Variants in PRKG2 observed in about 807,000 individuals in gnomAD.
PRKG2 encodes the protein protein kinase cGMP-dependent 2, also known as cGMP-dependent protein kinase 2.
PRKG2 carries 33 observed loss-of-function variants against 97.2 expected under a neutral mutation model. That is an observed-to-expected ratio of 0.34 (90% CI 0.26 to 0.45). The LOEUF is 0.45. Ranked by LOEUF, PRKG2 falls within the 20% of genes least tolerant of loss-of-function variation. PRKG2 has a pLI of 1.00. For synonymous variants in PRKG2, 330 were observed against 321.8 expected (o/e 1.03, Z -0.27); for missense variants, 638 against 900.0 (o/e 0.71, Z 3.73).
chr4:81,127,988 A>G (rs1227458937), intron 14 of PRKG2, among the ~76,000 whole-genome samples: 2 of 152,140 alleles, frequency 1.3e-5, no homozygotes, highest in African/African-American at 4.8e-5. Flanking sequence ...AGCTGTTATT[A>G]TTTTGAGATA....
chr4:81,190,559 A>G (rs1490086827), intron 2 of PRKG2, among the ~76,000 whole-genome samples: 1 of 152,192 alleles, frequency 6.6e-6, no homozygotes, highest in African/African-American at 2.4e-5. Flanking sequence ...ACCAAAAGCA[A>G]TGGTAACAAA....
rs147037183 is a variant in PRKG2, at chr4:81,204,770, G to A, written c.278C>T (p.Pro93Leu). 341 of 1,614,156 alleles carry A rather than the reference G, an allele frequency of 2.1e-4. No homozygotes were observed. The African/African-American group carries it at 3.0e-3, about 14-fold the overall frequency. ...QDVVHMQGGSPLQASPDKVPL... is the reference protein window; with the variant it reads ...QDVVHMQGGSLLQASPDKVPL... Reference sequence around the variant, plus strand: ...CACTTTATCTGGAGAGGCCTGAAGCGGGCTTCCTCCCTGCATATGCACCAC... The same window carrying A: ...CACTTTATCTGGAGAGGCCTGAAGCAGGCTTCCTCCCTGCATATGCACCAC... The change falls in exon 2 of 19, where the codon CCG (proline) becomes CTG (leucine). Residue 93 changes from proline to leucine, a missense_variant. By Grantham distance (98) the Pro-to-Leu change is moderately conservative. This residue lies in a region of PRKG2 where 332 missense variants were observed against 421.7 expected (regional missense o/e 0.79). Coordinates refer to ENST00000264399, the MANE Select transcript of PRKG2 (RefSeq NM_006259.3).
At chr4:81,161,628 G>T (rs1749597537) in intron 6 of PRKG2, among the ~76,000 whole-genome samples, 1 of 152,112 alleles carries the variant, frequency 6.6e-6, no homozygotes, top group South Asian at 2.1e-4. Context: ...CTTACTGACT[G>T]ACAGTGGGAA....
At chr4:81,104,264 G>A in intron 17 of PRKG2, 106 bp downstream of exon 17, 1 of 649,100 alleles carries the variant, frequency 1.5e-6, no homozygotes, top group Non-Finnish European at 2.4e-6. Context: ...AGAAAAATTT[G>A]AAAGTCTGGA....
At chr4:81,112,369 T>A (rs980710819) in intron 14 of PRKG2, among the ~76,000 whole-genome samples, 1 of 152,212 alleles carries the variant, frequency 6.6e-6, no homozygotes, top group Non-Finnish European at 1.5e-5. Context: ...TAGCTAATTT[T>A]ATAAAGACTG....
intron 9 of PRKG2, among the ~76,000 whole-genome samples, chr4:81,147,542 T>C (rs1747973778): frequency 6.6e-6 from 1 of 152,158 alleles, no homozygotes; most frequent in Admixed American, 6.5e-5. Context: ...GTTAATACTT[T>C]AAATCCCTTT....
chr4:81,171,813 C>T lies in PRKG2; in HGVS notation c.629-9G>A, dbSNP rs9992933. The stretch of plus-strand genomic sequence containing the variant: ...CACCTCTAGTCGACCCTCTATCAAG[C>T]AGAATTTTAAAAAACACACACACAA... On this transcript the variant is annotated splice_polypyrimidine_tract_variant and intron_variant, in intron 3 of 18. Transcript: ENST00000264399. 365,407 of 1,569,840 alleles carry T rather than the reference C, an allele frequency of 0.23. 55,958 individuals carry two copies. The highest frequency in any genetic ancestry group is 0.67 in the African/African-American group (48,521 of 72,892).
At chr4:81,110,837 G>C (rs1743857098) in intron 14 of PRKG2, among the ~76,000 whole-genome samples, 1 of 150,662 alleles carries the variant, frequency 6.6e-6, no homozygotes, top group Non-Finnish European at 1.5e-5. Context: ...GGTCAGGTGT[G>C]TATCTAGTTG....
At chr4:81,095,392 T>C (rs1255838824) in intron 17 of PRKG2, among the ~76,000 whole-genome samples, 1 of 152,164 alleles carries the variant, frequency 6.6e-6, no homozygotes, top group Non-Finnish European at 1.5e-5. Flanking sequence ...CTTTTAGGGA[T>C]TTCTAGGTAC....
chr4:81,105,419 T>A (rs1743225882), intron 16 of PRKG2, among the ~76,000 whole-genome samples: 1 of 152,214 alleles, frequency 6.6e-6, no homozygotes, highest in Middle Eastern at 3.2e-3. Flanking sequence ...CTGGCTTATT[T>A]CACTTAAGAT....
At chr4:81,105,542 C>G (rs996452227) in intron 16 of PRKG2, among the ~76,000 whole-genome samples, 2 of 151,996 alleles carry the variant, frequency 1.3e-5, no homozygotes, top group African/African-American at 4.8e-5. Flanking sequence ...TTATTTTGCT[C>G]TCTAACAGAT....
intron 14 of PRKG2, among the ~76,000 whole-genome samples, chr4:81,124,448 T>A (rs1345489226): frequency 6.6e-6 from 1 of 152,230 alleles, no homozygotes. Context: ...AGGCCCTGTG[T>A]AGCCAACAGA....
intron 6 of PRKG2, among the ~76,000 whole-genome samples, chr4:81,162,180 G>A (rs930166179): frequency 4.6e-5 from 7 of 152,124 alleles, no homozygotes; most frequent in Admixed American, 4.6e-4. Flanking sequence ...TTAAGACGGT[G>A]TATCTAAAGT....
At chr4:81,126,058 G>A (rs1745519455) in intron 14 of PRKG2, among the ~76,000 whole-genome samples, 1 of 152,130 alleles carries the variant, frequency 6.6e-6, no homozygotes, top group Non-Finnish European at 1.5e-5. Context: ...GCCCCGGTGT[G>A]TGATGTTCCC....
intron 18 of PRKG2, among the ~76,000 whole-genome samples, 168 bp downstream of exon 18, chr4:81,092,217 TC>T (rs1031867414): frequency 1.1e-4 from 17 of 151,754 alleles, no homozygotes; most frequent in African/African-American, 4.1e-4. Flanking sequence ...TACTATTTAG[TC>T]CCTATAATCA....
At chr4:81,154,424 A>T (rs1748774478) in intron 6 of PRKG2, among the ~76,000 whole-genome samples, 1 of 151,208 alleles carries the variant, frequency 6.6e-6, no homozygotes, top group Admixed American at 6.6e-5. Context: ...TGGAGATCTG[A>T]GAACGGGCAG....
intron 6 of PRKG2, among the ~76,000 whole-genome samples, chr4:81,163,902 A>ACC (rs1170569589): frequency 6.9e-6 from 1 of 145,038 alleles, no homozygotes; most frequent in Non-Finnish European, 1.5e-5. Context: ...ACACACACAC[A>ACC]CCTCTGTGCA....
At chr4:81,181,243 C>A (rs950784865) in intron 2 of PRKG2, among the ~76,000 whole-genome samples, 1 of 151,838 alleles carries the variant, frequency 6.6e-6, no homozygotes, top group African/African-American at 2.4e-5. Context: ...ACAGAAAAAT[C>A]ATAAAATCCT....
At chr4:81,209,906 G>T (rs1288632648) in intron 1 of PRKG2, among the ~76,000 whole-genome samples, 2 of 151,988 alleles carry the variant, frequency 1.3e-5, no homozygotes, top group African/African-American at 4.8e-5. Flanking sequence ...GATCCCAGAG[G>T]TAGACCTAAA....
Sources: allele counts gnomAD v4.1 joint callset (sites outside exome capture counted in the v4.1 genomes callset), GRCh38; gene constraint gnomAD v4.1.1; regional missense constraint gnomAD v4.1.1; transcripts MANE v1.5; gene names NCBI Gene and HGNC (gene_info 2026-07-23, HGNC 2026-07-21).